Variants in CSMD1 observed in about 807,000 individuals in gnomAD.
The protein encoded by CSMD1 is CUB and Sushi multiple domains 1.
A neutral mutation model predicts 417.5 loss-of-function variants in CSMD1; 213 were observed. That is an observed-to-expected ratio of 0.51 (90% CI 0.46 to 0.57). The LOEUF (loss-of-function observed/expected upper bound fraction) is 0.57. Among genes scored for constraint, CSMD1 ranks in the 20% least tolerant of loss-of-function variants. The pLI is 0.00. For missense variants in CSMD1, 6,923 were observed against 4,529.7 expected (o/e 1.53, Z -15.17); for synonymous variants, 2,862 against 1,736.8 (o/e 1.65, Z -16.11).
At chr8:4,776,239 G>C (rs894551881) in intron 1 of CSMD1, among the ~76,000 whole-genome samples, 2 of 151,988 alleles carry the variant, frequency 1.3e-5, no homozygotes, top group Non-Finnish European at 2.9e-5. Context: ...TAAATATAGA[G>C]AAACATGGAG....
intron 3 of CSMD1, among the ~76,000 whole-genome samples, chr8:4,172,399 G>C (rs550037973): frequency 1.3e-4 from 20 of 152,142 alleles, no homozygotes; most frequent in African/African-American, 4.8e-4. Context: ...TAAATAGCCA[G>C]TGGGTCTCAT....
intron 6 of CSMD1, among the ~76,000 whole-genome samples, chr8:3,740,976 A>T (rs988872178): frequency 6.6e-6 from 1 of 152,032 alleles, no homozygotes; most frequent in African/African-American, 2.4e-5. Flanking sequence ...AGCACTTTGG[A>T]GGCCAAGGTG....
intron 1 of CSMD1, among the ~76,000 whole-genome samples, chr8:4,800,344 T>C (rs111771077): frequency 0.048 from 7,343 of 151,482 alleles, 312 homozygotes; most frequent in East Asian, 0.23. Context: ...GGCAGGAAGA[T>C]TTCTTGAACC....
At chr8:3,105,967 G>A (rs1816107332) in intron 46 of CSMD1, among the ~76,000 whole-genome samples, 1 of 152,152 alleles carries the variant, frequency 6.6e-6, no homozygotes, top group South Asian at 2.1e-4. Context: ...ATGATAAATT[G>A]CTGTGAGAAA....
Position 4,447,900 on chromosome 8 carries a change from T to C in CSMD1, c.303-27835A>G, listed in dbSNP as rs148148634. On this transcript the variant is annotated intron_variant, in intron 2 of 69. Coordinates refer to ENST00000635120, the MANE Select transcript of CSMD1 (RefSeq NM_033225.6). ...CGAATGTACAATTTTATTGTTCGAT[T>C]ACTCATCTTTCGGAAATGACGACAA... Among the ~76,000 whole-genome samples the C allele has an allele frequency of 4.9e-3, 744 of 152,350 alleles. 7 individuals carry two copies. Among genetic ancestry groups the C allele is most frequent in the African/African-American group, 0.017 (705 of 41,574 alleles).
chr8:4,231,386 G>A (rs1423312602), intron 3 of CSMD1, among the ~76,000 whole-genome samples: 1 of 152,144 alleles, frequency 6.6e-6, no homozygotes, highest in African/African-American at 2.4e-5. Context: ...TGAGAGAATA[G>A]GAGCATATTT....
At chr8:4,766,155 T>C (rs368392715) in intron 1 of CSMD1, among the ~76,000 whole-genome samples, 26 of 152,228 alleles carry the variant, frequency 1.7e-4, no homozygotes, top group East Asian at 1.2e-3. Flanking sequence ...CTTTGTGTAC[T>C]AGTCCTGTAG....
intron 26 of CSMD1, among the ~76,000 whole-genome samples, chr8:3,253,278 C>T (rs12549156): frequency 0.073 from 11,154 of 152,144 alleles, 559 homozygotes; most frequent in Admixed American, 0.13. Flanking sequence ...GCCTTCATTT[C>T]GTTATTTACC....
chr8:3,485,542 G>C (rs150767914), intron 11 of CSMD1, among the ~76,000 whole-genome samples: 2,145 of 68,282 alleles, frequency 0.031, 53 homozygotes, highest in African/African-American at 0.1. Flanking sequence ...CACACACAGA[G>C]AGAGAGAGAG....
At chr8:4,968,568 G>A (rs543009740) in intron 1 of CSMD1, among the ~76,000 whole-genome samples, 42 of 151,676 alleles carry the variant, frequency 2.8e-4, no homozygotes, top group African/African-American at 8.9e-4. Flanking sequence ...ATTTTTTTCC[G>A]GGCCTGAACC....
At chr8:4,246,819 T>A (rs943265202) in intron 3 of CSMD1, among the ~76,000 whole-genome samples, 5 of 152,190 alleles carry the variant, frequency 3.3e-5, no homozygotes, top group African/African-American at 1.2e-4. Flanking sequence ...ACATTTGACT[T>A]GTAAATAAAT....
intron 5 of CSMD1, among the ~76,000 whole-genome samples, chr8:3,803,062 T>C (rs1190878932): frequency 1.3e-5 from 2 of 152,172 alleles, no homozygotes; most frequent in Non-Finnish European, 2.9e-5. Context: ...AATAAAGTGG[T>C]GGCAACAGCC....
chr8:3,630,526 C>T (rs146954782), intron 7 of CSMD1, among the ~76,000 whole-genome samples: 1 of 152,274 alleles, frequency 6.6e-6, no homozygotes, highest in East Asian at 1.9e-4. Context: ...TTCATCGTCG[C>T]TACTCCTACA....
chr8:3,715,315 G>A (rs1015929508), intron 6 of CSMD1, among the ~76,000 whole-genome samples: 5 of 152,146 alleles, frequency 3.3e-5, no homozygotes, highest in Non-Finnish European at 4.4e-5. Flanking sequence ...ATCAGTAGGA[G>A]CTATGTCTCT....
intron 6 of CSMD1, among the ~76,000 whole-genome samples, chr8:3,744,759 C>T (rs1206092866): frequency 6.6e-6 from 1 of 152,176 alleles, no homozygotes; most frequent in Non-Finnish European, 1.5e-5. Flanking sequence ...AATGTAGGTA[C>T]TCTCAAGACT....
chr8:3,566,996 T>C (rs200159386), intron 10 of CSMD1, among the ~76,000 whole-genome samples: 1 of 152,216 alleles, frequency 6.6e-6, no homozygotes, highest in East Asian at 1.9e-4. Flanking sequence ...TGCAGCACTA[T>C]TGACAATAGA....
At chr8:4,397,494 C>A (rs1184313537) in intron 3 of CSMD1, among the ~76,000 whole-genome samples, 1 of 149,504 alleles carries the variant, frequency 6.7e-6, no homozygotes, top group African/African-American at 2.5e-5. Flanking sequence ...TTCTGTGTGC[C>A]CATGAGCAAT....
At chr8:3,590,994 G>A (rs1460030215) in intron 8 of CSMD1, among the ~76,000 whole-genome samples, 1 of 152,062 alleles carries the variant, frequency 6.6e-6, no homozygotes, top group Non-Finnish European at 1.5e-5. Flanking sequence ...AATCTAACTT[G>A]GTTTTCTGGA....
intron 5 of CSMD1, among the ~76,000 whole-genome samples, chr8:3,908,620 T>TA (rs201421570): frequency 0.01 from 1,581 of 151,860 alleles, 31 homozygotes; most frequent in African/African-American, 0.035. Flanking sequence ...GAACATTGCT[T>TA]AAAAAAAAAT....
Sources: gnomAD v4.1 joint callset for allele counts (sites outside exome capture counted in the v4.1 genomes callset) on GRCh38, gnomAD v4.1.1 for gene constraint, MANE v1.5 for transcripts, NCBI Gene and HGNC (gene_info 2026-07-23, HGNC 2026-07-21) for gene names.